The following KCNMA1 variants were observed in gnomAD, a reference collection of about 807,000 sequenced individuals.
The protein encoded by KCNMA1 is potassium calcium-activated channel subfamily M alpha 1, also known as Calcium-activated potassium channel subunit alpha-1.
A neutral mutation model predicts 140.0 loss-of-function variants in KCNMA1; 29 were observed. The ratio of observed to expected loss-of-function variants is 0.21; its 90% CI spans 0.15 to 0.28. The LOEUF (loss-of-function observed/expected upper bound fraction) is 0.28, where lower values mean the gene tolerates loss of function less well. Among genes scored for constraint, KCNMA1 ranks in the 10% least tolerant of loss-of-function variants. The pLI is 1.00. For missense variants in KCNMA1, 880 were observed against 1,602.2 expected, an observed-to-expected ratio of 0.55 and a Z score of 7.70; for synonymous variants, 612 against 611.9, an observed-to-expected ratio of 1.00 and a Z score of 0.00.
At chr10:77,137,385 G>C (rs1461930163) in intron 5 of KCNMA1, among the ~76,000 whole-genome samples, 1 of 152,220 alleles carries the variant, frequency 6.6e-6, no homozygotes, top group African/African-American at 2.4e-5. Flanking sequence ...ATCCTGAAGA[G>C]CAATTATTTT....
chr10:77,056,298 T>G (rs1053841607), intron 14 of KCNMA1, among the ~76,000 whole-genome samples: 12 of 152,066 alleles, frequency 7.9e-5, no homozygotes, highest in Non-Finnish European at 1.5e-4. Flanking sequence ...GAAAATTGCT[T>G]GAACCCAGAA....
chr10:77,095,752 G>A (rs78471192), intron 9 of KCNMA1, among the ~76,000 whole-genome samples: 5 of 152,284 alleles, frequency 3.3e-5, no homozygotes, highest in East Asian at 1.9e-4. Context: ...TCTCTTCTCA[G>A]TGATGGGCCA....
In KCNMA1 at chr10:77,183,514, T is replaced by A. The variant is rs2098818960; in HGVS notation, c.715A>T (p.Lys239Ter). The A allele has an allele frequency of 6.2e-7, 1 of 1,612,600 alleles. No homozygotes were observed. Reference protein sequence around the residue: ...FGLRFIAANDKLWFWLEVNSV... With the variant: ...FGLRFIAAND ...TTCACTTCCAGCCAGAACCACAATT[T>A]ATCGTTGGCTGCAATAAACTGGGGG... Residue 239 changes from lysine (K) to a stop codon, truncating the protein, a stop_gained, in exon 5 of 28, where the codon AAA becomes TAA. Transcript: ENST00000286628. LOFTEE classifies it high-confidence loss of function.
intron 3 of KCNMA1, 157 bp downstream of exon 3, chr10:77,251,038 A>T: frequency 1.5e-6 from 1 of 677,248 alleles, no homozygotes; most frequent in Non-Finnish European, 2.7e-6. Flanking sequence ...TTTCTTTCCC[A>T]TTTAGAAAAT....
At position 76,885,619 on chromosome 10, in the gene KCNMA1, C is replaced by T; in HGVS notation, c.*1647G>A. The stretch of plus-strand genomic sequence containing the variant: ...TGACATGTTTTCCTCCTCCCTTTTA[C>T]CCCTATTCTATTCGATGGAATTCTT... On this transcript the variant is annotated 3_prime_UTR_variant, in exon 28 of 28. Coordinates refer to ENST00000286628, the MANE Select transcript of KCNMA1 (RefSeq NM_001161352.2). 1.0e-6 allele frequency: 1 copy of T among 985,278 alleles called. No homozygotes were observed. Among genetic ancestry groups the T allele is most frequent in the Non-Finnish European group, 1.2e-6 (1 of 829,892 alleles). 61.0% of individuals were successfully genotyped at this position (985,278 alleles called of 1,614,324 possible).
At chr10:77,218,847 C>A (rs939439315) in intron 3 of KCNMA1, among the ~76,000 whole-genome samples, 1 of 152,024 alleles carries the variant, frequency 6.6e-6, no homozygotes, top group African/African-American at 2.4e-5. Flanking sequence ...CCACCATATC[C>A]GGCTAATTTT....
intron 1 of KCNMA1, among the ~76,000 whole-genome samples, chr10:77,422,572 T>C (rs968044170): frequency 6.6e-6 from 1 of 152,218 alleles, no homozygotes; most frequent in South Asian, 2.1e-4. Flanking sequence ...AGTGTTTTTT[T>C]CCAAAAGATT....
chr10:76,959,785 G>A (rs1160661876), intron 20 of KCNMA1, among the ~76,000 whole-genome samples: 1 of 152,210 alleles, frequency 6.6e-6, no homozygotes, highest in Non-Finnish European at 1.5e-5. Context: ...ATGAATAGCT[G>A]CCATGAGTCC....
At chr10:77,254,276 C>T (rs2154256135) in intron 2 of KCNMA1, among the ~76,000 whole-genome samples, 1 of 148,338 alleles carries the variant, frequency 6.7e-6, no homozygotes, top group Admixed American at 6.8e-5. Context: ...GGCTGGAGTG[C>T]AGTGGCGCGA....
At chr10:77,166,659 G>A (rs554440407) in intron 5 of KCNMA1, among the ~76,000 whole-genome samples, 2 of 151,846 alleles carry the variant, frequency 1.3e-5, no homozygotes, top group East Asian at 1.9e-4. Context: ...AGGAGGAAGA[G>A]GATGAAGAGG....
At chr10:77,636,636 G>A (rs995007511) in intron 1 of KCNMA1, 1 of 1,535,926 alleles carries the variant, frequency 6.5e-7, no homozygotes, top group Non-Finnish European at 8.7e-7. Context: ...TGGCAGCCCC[G>A]TGGGCTACCC....
intron 13 of KCNMA1, 97 bp from the exon 14 acceptor site, chr10:77,073,349 G>A: frequency 8.0e-7 from 1 of 1,252,546 alleles, no homozygotes; most frequent in Non-Finnish European, 1.2e-6. Context: ...ACCACTCAGG[G>A]CCATCCAGTC....
At chr10:76,975,310 C>T (rs1565305808) in intron 19 of KCNMA1, 1 of 152,182 alleles carries the variant, frequency 6.6e-6, no homozygotes, top group East Asian at 1.9e-4. Context: ...TGCAAGTTAA[C>T]TCTCAAAGTC....
intron 14 of KCNMA1, chr10:77,063,970 G>C: frequency 1.0e-6 from 1 of 985,414 alleles, no homozygotes; most frequent in Non-Finnish European, 1.2e-6. Context: ...GGGCCAGGGT[G>C]AGTGTCAGCT....
chr10:77,240,856 A>G (rs1299398388), intron 3 of KCNMA1, among the ~76,000 whole-genome samples: 1 of 152,198 alleles, frequency 6.6e-6, no homozygotes, highest in Non-Finnish European at 1.5e-5. Flanking sequence ...ATCAGATGAA[A>G]AAAATGTTAT....
chr10:77,175,416 AC>A (rs1344805187), intron 5 of KCNMA1, among the ~76,000 whole-genome samples: 1 of 152,182 alleles, frequency 6.6e-6, no homozygotes, highest in Non-Finnish European at 1.5e-5. Context: ...ACTGTTCCTT[AC>A]TATCATGATC....
At chr10:77,031,675 A>G (rs1311739978) in intron 15 of KCNMA1, among the ~76,000 whole-genome samples, 1 of 152,230 alleles carries the variant, frequency 6.6e-6, no homozygotes, top group Non-Finnish European at 1.5e-5. Context: ...ATCCTGTTGC[A>G]GAGATGCAGC....
chr10:77,230,087 T>A (rs548333591), intron 3 of KCNMA1, among the ~76,000 whole-genome samples: 3 of 152,294 alleles, frequency 2.0e-5, no homozygotes, highest in African/African-American at 4.8e-5. Context: ...GTGGCAGACA[T>A]AAAATGGAAT....
chr10:77,090,340 G>A, intron 10 of KCNMA1, 60 bp downstream of exon 10: 2 of 1,102,346 alleles, frequency 1.8e-6, no homozygotes, highest in Non-Finnish European at 1.4e-6. Context: ...AGACATTCAG[G>A]GAGTCCCTCG....
Sources: allele counts gnomAD v4.1 joint callset (sites outside exome capture counted in the v4.1 genomes callset), GRCh38; gene constraint gnomAD v4.1.1; transcripts MANE v1.5; gene names NCBI Gene and HGNC (gene_info 2026-07-23, HGNC 2026-07-21).